Variants in SCGN observed in about 807,000 individuals in gnomAD.
SCGN encodes the protein secretagogin.
Under a neutral mutation model 39.7 loss-of-function variants are expected in SCGN, and 30 were observed. The ratio of observed to expected loss-of-function variants is 0.76; its 90% CI spans 0.57 to 1.03. The LOEUF (loss-of-function observed/expected upper bound fraction) is 1.03, where lower values mean the gene tolerates loss of function less well. SCGN is among the 50% of genes least tolerant of loss of function. The probability of loss-of-function intolerance (pLI) is 0.00; values close to 1 mark genes in which losing one functional copy is unlikely to be tolerated. For synonymous variants in SCGN, 106 were observed against 114.1 expected (o/e 0.93, Z 0.45); for missense variants, 353 against 349.4 (o/e 1.01, Z -0.08).
intron 10 of SCGN, among the ~76,000 whole-genome samples, chr6:25,695,654 T>C (rs1759828481): frequency 6.6e-6 from 1 of 152,116 alleles, no homozygotes. Context: ...CTCAGCCTCC[T>C]GAGTAGCTGG....
At chr6:25,683,957 G>T (rs1040161077) in intron 7 of SCGN, among the ~76,000 whole-genome samples, 1 of 152,152 alleles carries the variant, frequency 6.6e-6, no homozygotes, top group African/African-American at 2.4e-5. Context: ...TTACAGTCAC[G>T]ATTGCCCCCT....
In SCGN at chr6:25,701,394, G is replaced by T. The variant is rs1268296100; in HGVS notation, c.*59G>T. On this transcript the variant is annotated 3_prime_UTR_variant, in exon 11 of 11. Coordinates refer to ENST00000377961, the MANE Select transcript of SCGN (RefSeq NM_006998.4). Reference sequence around the variant, plus strand: ...TTTCTGTGATCTTGCTGGTAGAATTGTATCTGTGCATTGATGTTGGGAACA... The same window carrying T: ...TTTCTGTGATCTTGCTGGTAGAATTTTATCTGTGCATTGATGTTGGGAACA... 2 of 1,579,830 alleles carry T rather than the reference G, an allele frequency of 1.3e-6. No individual in the cohort carries two copies. Among genetic ancestry groups the T allele is most frequent in the Non-Finnish European group, 1.7e-6 (2 of 1,162,862 alleles).
chr6:25,697,704 C>T (rs985881047), intron 10 of SCGN, among the ~76,000 whole-genome samples: 1 of 152,164 alleles, frequency 6.6e-6, no homozygotes, highest in Non-Finnish European at 1.5e-5. Context: ...CCCAAAGGTC[C>T]CCCTATTGCC....
chr6:25,670,572 A>C (rs1490334902), intron 6 of SCGN, among the ~76,000 whole-genome samples: 1 of 152,200 alleles, frequency 6.6e-6, no homozygotes. Flanking sequence ...TCTCAACTTT[A>C]TTTACTTCTC....
Position 25,701,519 on chromosome 6 carries a change from C to A in SCGN, c.*184C>A. ...TGATCTATCCCTGTCTCACTGAAAGCCCCTGTGTAGTGTCTGTGTTGTTTT... is the reference window on the plus strand; with the variant it reads ...TGATCTATCCCTGTCTCACTGAAAGACCCTGTGTAGTGTCTGTGTTGTTTT... On this transcript the variant is annotated 3_prime_UTR_variant, in exon 11 of 11. Transcript: ENST00000377961. 1.6e-6 allele frequency: 1 copy of A among 639,066 alleles called. No homozygotes were observed. The allele number at this position is 639,066 out of a possible 1,614,324, so 39.6% of individuals were successfully genotyped here. A position where few individuals can be genotyped will look rare whatever the true frequency, so the allele number is the denominator to read the frequency against.
chr6:25,662,092 G>A (rs1582572749), intron 3 of SCGN, among the ~76,000 whole-genome samples: 1 of 152,184 alleles, frequency 6.6e-6, no homozygotes, highest in South Asian at 2.1e-4. Context: ...TTAAAAGCAC[G>A]ACAGACAATA....
chr6:25,701,132 G>A (rs1257825318), intron 10 of SCGN, 75 bp from the exon 11 acceptor site: 3 of 1,514,212 alleles, frequency 2.0e-6, no homozygotes, highest in Non-Finnish European at 2.7e-6. Flanking sequence ...TAAGCTTAGG[G>A]AGCATCAGAG....
intron 4 of SCGN, among the ~76,000 whole-genome samples, chr6:25,666,438 T>C (rs962419556): frequency 1.3e-5 from 2 of 152,206 alleles, no homozygotes; most frequent in African/African-American, 4.8e-5. Context: ...TGTACAATGA[T>C]GTTCATATAA....
rs1759911526 is a variant in SCGN at position 25,701,429 on chromosome 6, A to G, written c.*94A>G. ...ATTGATGTTGGGAACACAGTGGGCAAACTCACAAATGGTGTGCTATTCTTG... is the reference window on the plus strand; with the variant it reads ...ATTGATGTTGGGAACACAGTGGGCAGACTCACAAATGGTGTGCTATTCTTG... On this transcript the variant is annotated 3_prime_UTR_variant, in exon 11 of 11. Transcript: ENST00000377961. 2.0e-6 allele frequency: 3 copies of G among 1,487,944 alleles called. No individual in the cohort carries two copies. The highest frequency in any genetic ancestry group is 2.3e-5 in the East Asian group (1 of 42,776). 92.2% of individuals were successfully genotyped at this position (1,487,944 alleles called of 1,614,324 possible).
chr6:25,690,988 C>T, intron 9 of SCGN, 68 bp from the exon 10 acceptor site: 1 of 1,215,186 alleles, frequency 8.2e-7, no homozygotes, highest in Non-Finnish European at 1.2e-6. Context: ...GTTTATTTAC[C>T]TAAGTTATTG....
chr6:25,673,820 A>G (rs1024202292), intron 6 of SCGN, among the ~76,000 whole-genome samples: 1 of 152,152 alleles, frequency 6.6e-6, no homozygotes, highest in African/African-American at 2.4e-5. Flanking sequence ...CTGGGTTTAT[A>G]ATTTATAAAA....
chr6:25,693,451 C>CAAAAAAAAAAAAAAAAAAAAAA lies in SCGN; in HGVS notation c.702+2331_702+2352dup, dbSNP rs11376402. ...TGGGCAACAGAGCGAGACTCCGTCT[C>CAAAAAAAAAAAAAAAAAAAAAA]AAAAAAAAAAAAAAAAAAAAAAAAA... On this transcript the variant is annotated intron_variant, in intron 10 of 10. Coordinates refer to ENST00000377961, the MANE Select transcript of SCGN (RefSeq NM_006998.4). Among the ~76,000 whole-genome samples the CAAAAAAAAAAAAAAAAAAAAAA allele has an allele frequency of 4.1e-5, 2 of 48,426 alleles. 1 individual carries two copies. Among genetic ancestry groups the CAAAAAAAAAAAAAAAAAAAAAA allele is most frequent in the Non-Finnish European group, 7.5e-5 (2 of 26,730 alleles). The allele number at this position is 48,426 out of a possible 152,430, so 31.8% of individuals were successfully genotyped here. A position where few individuals can be genotyped will look rare whatever the true frequency, so the allele number is the denominator to read the frequency against.
At chr6:25,680,300 A>G (rs184418635) in intron 6 of SCGN, among the ~76,000 whole-genome samples, 328 of 152,314 alleles carry the variant, frequency 2.2e-3, no homozygotes, top group African/African-American at 7.6e-3. Context: ...CATTATTAAT[A>G]TTTGAACTTA....
At chr6:25,671,946 G>T (rs1196800166) in intron 6 of SCGN, among the ~76,000 whole-genome samples, 1 of 152,232 alleles carries the variant, frequency 6.6e-6, no homozygotes, top group African/African-American at 2.4e-5. Context: ...CATGTTGCCA[G>T]TATTTGTTTG....
chr6:25,687,351 T>C (rs9379778), intron 7 of SCGN, among the ~76,000 whole-genome samples: 42,991 of 152,082 alleles, frequency 0.28, 6,973 homozygotes, highest in East Asian at 0.67. Context: ...CTTAGCTCTT[T>C]AATTTCTTTC....
At chr6:25,666,773 A>C (rs1760430548) in intron 4 of SCGN, among the ~76,000 whole-genome samples, 1 of 152,210 alleles carries the variant, frequency 6.6e-6, no homozygotes, top group Admixed American at 6.5e-5. Context: ...GAATAAATAA[A>C]ATATAGGTAA....
At chr6:25,658,923 T>C (rs185462346) in intron 2 of SCGN, among the ~76,000 whole-genome samples, 142 of 152,310 alleles carry the variant, frequency 9.3e-4, no homozygotes, top group Admixed American at 2.4e-3. Flanking sequence ...TCCCTATATA[T>C]CCAGTATCCA....
chr6:25,681,805 C>A, intron 6 of SCGN, 146 bp from the exon 7 acceptor site: 1 of 666,936 alleles, frequency 1.5e-6, no homozygotes, highest in Non-Finnish European at 2.7e-6. Flanking sequence ...CCTTCTGTGA[C>A]AAATACTAAT....
At chr6:25,658,003 C>CTTTTTTTTTTT (rs759915721) in intron 2 of SCGN, among the ~76,000 whole-genome samples, 5 of 70,374 alleles carry the variant, frequency 7.1e-5, no homozygotes, top group Non-Finnish European at 1.1e-4. Flanking sequence ...GAAAGGTATC[C>CTTTTTTTTTTT]TTTTTTTTTT....
Sources: gnomAD v4.1 joint callset for allele counts (sites outside exome capture counted in the v4.1 genomes callset) on GRCh38, gnomAD v4.1.1 for gene constraint, MANE v1.5 for transcripts, NCBI Gene and HGNC (gene_info 2026-07-23, HGNC 2026-07-21) for gene names.